The following PRSS3 variants were observed in gnomAD, a reference collection of about 807,000 sequenced individuals.
PRSS3 encodes the protein serine protease 3.
Under a neutral mutation model 20.8 loss-of-function variants are expected in PRSS3, and 14 were observed. That is an observed-to-expected ratio of 0.67 (90% confidence interval 0.44 to 1.05). The LOEUF (loss-of-function observed/expected upper bound fraction) is 1.05. Among genes scored for constraint, PRSS3 ranks in the 50% least tolerant of loss-of-function variants. The pLI is 0.00. For missense variants in PRSS3, 237 were observed against 306.4 expected, an observed-to-expected ratio of 0.77 and a Z score of 1.69; for synonymous variants, 91 against 117.6, an observed-to-expected ratio of 0.77 and a Z score of 1.46.
At chr9:33,754,114 T>C (rs1765357) in intron 1 of PRSS3, among the ~76,000 whole-genome samples, 110,190 of 151,614 alleles carry the variant, frequency 0.73, 40,074 homozygotes, top group East Asian at 0.83. Flanking sequence ...TCTTTTGAGA[T>C]GGAGTCTCAC....
chr9:33,750,733 A>C lies in PRSS3; in HGVS notation c.-53+6A>C. On this transcript the variant is annotated splice_donor_region_variant and intron_variant, in intron 1 of 5. Coordinates refer to the PRSS3 transcript ENST00000342836. This position sits in a 1 kb window ranked among gnomAD's most constrained non-coding sequence, Gnocchi z 4.8. ...CTGCGAGGCGCTGGGCACAGGTCAG[A>C]CGTCAGTACCCGCAGGGGGCTTGAA... The C allele has an allele frequency of 7.0e-7, 1 of 1,431,472 alleles. No homozygotes were observed. Among genetic ancestry groups the C allele is most frequent in the Non-Finnish European group, 9.1e-7 (1 of 1,097,234 alleles). 88.7% of individuals were successfully genotyped at this position (1,431,472 alleles called of 1,614,324 possible).
intron 1 of PRSS3, among the ~76,000 whole-genome samples, chr9:33,790,247 C>A (rs1314790999): frequency 4.6e-5 from 7 of 152,112 alleles, no homozygotes; most frequent in Non-Finnish European, 8.8e-5. Flanking sequence ...TTAGATCATA[C>A]AATATGTAGT....
chr9:33,781,483 A>C (rs1265235324), intron 1 of PRSS3, among the ~76,000 whole-genome samples: 2 of 152,226 alleles, frequency 1.3e-5, no homozygotes, highest in African/African-American at 4.8e-5. Flanking sequence ...CATTGAGCAC[A>C]CATGAACATA....
intron 1 of PRSS3, among the ~76,000 whole-genome samples, chr9:33,767,559 C>G (rs116206873): frequency 0.014 from 2,073 of 152,166 alleles, 54 homozygotes; most frequent in African/African-American, 0.047. Flanking sequence ...CGCGGTGACT[C>G]ACATCCGTAA....
intron 1 of PRSS3, among the ~76,000 whole-genome samples, chr9:33,768,102 A>G (rs1823522583): frequency 6.6e-6 from 1 of 152,210 alleles, no homozygotes; most frequent in African/African-American, 2.4e-5. Context: ...GTGGCTTTGG[A>G]ACTAAACAGT....
chr9:33,786,834 T>G, intron 1 of PRSS3: 1 of 730,852 alleles, frequency 1.4e-6, no homozygotes. Context: ...GAAGACACAG[T>G]GCAGGGCACA....
At chr9:33,768,685 C>T (rs1455907259) in intron 1 of PRSS3, among the ~76,000 whole-genome samples, 4 of 151,750 alleles carry the variant, frequency 2.6e-5, no homozygotes, top group Non-Finnish European at 5.9e-5. Flanking sequence ...GGTGAAACCC[C>T]ATCTCTACTA....
chr9:33,770,449 G>A (rs962606111), intron 1 of PRSS3, among the ~76,000 whole-genome samples: 1 of 152,158 alleles, frequency 6.6e-6, no homozygotes, highest in Non-Finnish European at 1.5e-5. Flanking sequence ...CTGTTGGGAT[G>A]GGGATGAGTG....
intron 1 of PRSS3, among the ~76,000 whole-genome samples, chr9:33,769,583 A>T (rs1159218039): frequency 6.6e-6 from 1 of 152,260 alleles, no homozygotes; most frequent in East Asian, 1.9e-4. Flanking sequence ...CAGCCAGTAC[A>T]GCGATATGGC....
At chr9:33,757,831 T>C (rs1435162048) in intron 1 of PRSS3, among the ~76,000 whole-genome samples, 1 of 152,232 alleles carries the variant, frequency 6.6e-6, no homozygotes, top group Non-Finnish European at 1.5e-5. Context: ...CTCTTACGTC[T>C]TTTTATGTCA....
intron 1 of PRSS3, among the ~76,000 whole-genome samples, chr9:33,785,239 G>C (rs1306290766): frequency 1.5e-4 from 19 of 127,104 alleles, no homozygotes; most frequent in African/African-American, 5.9e-4. Context: ...GTGCAGTGGC[G>C]CAATCTTGGC....
chr9:33,796,040 G>T (rs1467046645), intron 1 of PRSS3, among the ~76,000 whole-genome samples: 1 of 152,266 alleles, frequency 6.6e-6, no homozygotes, highest in Non-Finnish European at 1.5e-5. Flanking sequence ...TGCAGCCTGT[G>T]TACTGGGCTT....
At chr9:33,765,333 G>A (rs1239359090) in intron 1 of PRSS3, among the ~76,000 whole-genome samples, 1 of 152,208 alleles carries the variant, frequency 6.6e-6, no homozygotes, top group Non-Finnish European at 1.5e-5. Flanking sequence ...AGAACTATAT[G>A]TGTACTAGAA....
intron 1 of PRSS3, among the ~76,000 whole-genome samples, chr9:33,769,117 G>A (rs766590887): frequency 6.6e-6 from 1 of 152,180 alleles, no homozygotes; most frequent in Admixed American, 6.5e-5. Context: ...ATATTTAGCT[G>A]AGGAGATTTC....
chr9:33,752,144 C>T (rs1489267213), intron 1 of PRSS3, among the ~76,000 whole-genome samples: 4 of 152,124 alleles, frequency 2.6e-5, no homozygotes, highest in Admixed American at 6.5e-5. Flanking sequence ...AGTGCCCCCA[C>T]TTACTTATCC....
intron 1 of PRSS3, among the ~76,000 whole-genome samples, chr9:33,781,037 A>G (rs1230789716): frequency 6.6e-6 from 1 of 152,224 alleles, no homozygotes; most frequent in African/African-American, 2.4e-5. Flanking sequence ...AGTTGAAACT[A>G]ATAGACAAAT....
upstream of PRSS3, among the ~76,000 whole-genome samples, chr9:33,795,317 A>C (rs1486495718): frequency 6.6e-6 from 1 of 151,736 alleles, no homozygotes; most frequent in Non-Finnish European, 1.5e-5. Context: ...TGTCTTCCCC[A>C]TCCCAGCATC....
At chr9:33,786,946 C>T (rs754647123) in intron 1 of PRSS3, 70 of 591,998 alleles carry the variant, frequency 1.2e-4, no homozygotes, top group Non-Finnish European at 1.9e-4. Context: ...AACCACAGCT[C>T]TTGGGTAGAC....
At chr9:33,757,175 C>G (rs1205249368) in intron 1 of PRSS3, among the ~76,000 whole-genome samples, 1 of 151,706 alleles carries the variant, frequency 6.6e-6, no homozygotes, top group Non-Finnish European at 1.5e-5. Context: ...GTCTAGGATT[C>G]AAAATGGGAA....
Sources: gnomAD v4.1 joint callset for allele counts (sites outside exome capture counted in the v4.1 genomes callset) on GRCh38, gnomAD v4.1.1 for gene constraint, Gnocchi (gnomAD v3.1) non-coding constraint, MANE v1.5 for transcripts, NCBI Gene and HGNC (gene_info 2026-07-23, HGNC 2026-07-21) for gene names.